The following MGAT4C variants were observed in gnomAD, a reference collection of about 807,000 sequenced individuals.
MGAT4C encodes MGAT4 family member C.
Under a neutral mutation model 40.1 loss-of-function variants are expected in MGAT4C, and 19 were observed. That is an observed-to-expected ratio of 0.47 (90% confidence interval 0.33 to 0.70). MGAT4C has a LOEUF of 0.70. MGAT4C is among the 30% of genes least tolerant of loss of function. The probability of loss-of-function intolerance (pLI) is 0.02; values close to 1 mark genes in which losing one functional copy is unlikely to be tolerated. For synonymous variants in MGAT4C, 181 were observed against 187.1 expected, an observed-to-expected ratio of 0.97 and a Z score of 0.27; for missense variants, 491 against 563.2, an observed-to-expected ratio of 0.87 and a Z score of 1.30.
intron 4 of MGAT4C, among the ~76,000 whole-genome samples, chr12:86,314,947 A>C (rs971399386): frequency 1.3e-5 from 2 of 152,162 alleles, no homozygotes; most frequent in Non-Finnish European, 1.5e-5. Flanking sequence ...ACACAACACT[A>C]TACCCATCAA....
At chr12:86,502,508 T>A (rs1415778788) in intron 2 of MGAT4C, among the ~76,000 whole-genome samples, 1 of 151,738 alleles carries the variant, frequency 6.6e-6, no homozygotes, top group African/African-American at 2.4e-5. Context: ...TGGACTTTGG[T>A]CAATAATAGC....
rs780529746 is a variant in MGAT4C at position 85,980,453 on chromosome 12, A to T, written c.296-23T>A. The T allele has an allele frequency of 1.9e-5, 29 of 1,540,510 alleles. No homozygotes were observed. The Admixed American group carries it at 6.1e-4, about 32-fold the overall frequency. On this transcript the variant is annotated intron_variant, in intron 4 of 4. Transcript: ENST00000611864. Reference sequence around the variant, plus strand: ...ACCCTGCAAAAAAGAATTCAGAAGCAATACAAATGTGAACTAGAAATATGG... The same window carrying T: ...ACCCTGCAAAAAAGAATTCAGAAGCTATACAAATGTGAACTAGAAATATGG...
chr12:86,533,192 T>C (rs1959012505), intron 2 of MGAT4C, among the ~76,000 whole-genome samples: 1 of 152,040 alleles, frequency 6.6e-6, no homozygotes, highest in Non-Finnish European at 1.5e-5. Flanking sequence ...AACTGCAAAG[T>C]AGTCAGCCAC....
At chr12:86,507,737 GCAA>G (rs1356885768) in intron 2 of MGAT4C, among the ~76,000 whole-genome samples, 1 of 152,098 alleles carries the variant, frequency 6.6e-6, no homozygotes, top group Non-Finnish European at 1.5e-5. Context: ...TATTATTGTG[GCAA>G]TAGTTTACTG....
intron 2 of MGAT4C, among the ~76,000 whole-genome samples, chr12:86,441,401 GGTTT>G (rs1477069375): frequency 6.6e-6 from 1 of 151,426 alleles, no homozygotes; most frequent in Non-Finnish European, 1.5e-5. Flanking sequence ...ACAACGTGCA[GGTTT>G]GTTACATATG....
Position 85,962,934 on chromosome 12 carries a change from C to T in MGAT4C, c.*16355G>A, listed in dbSNP as rs548300253. 3.3e-5 allele frequency: 5 copies of T among 151,612 alleles called. No homozygotes were observed. The highest frequency in any genetic ancestry group is 1.2e-4 in the African/African-American group (5 of 41,468). 9.4% of individuals were successfully genotyped at this position (151,612 alleles called of 1,614,324 possible). On this transcript the variant is annotated 3_prime_UTR_variant, in exon 5 of 5. Transcript: ENST00000611864. ...CTATTTGATAATGAAATATACTTTT[C>T]TTACCTACTTGCAAAAAAAATTACA... is the stretch of plus-strand genomic sequence containing the variant.
chr12:86,642,789 A>T (rs1312471101), intron 2 of MGAT4C, among the ~76,000 whole-genome samples: 1 of 151,442 alleles, frequency 6.6e-6, no homozygotes, highest in African/African-American at 2.4e-5. Flanking sequence ...AAAACATTTT[A>T]TATGTATATA....
chr12:86,556,001 C>T (rs887822054), intron 2 of MGAT4C, among the ~76,000 whole-genome samples: 6 of 152,178 alleles, frequency 3.9e-5, no homozygotes, highest in Non-Finnish European at 8.8e-5. Flanking sequence ...GAGATATACA[C>T]GATGCCTATG....
At chr12:86,341,981 C>A (rs375899903) in intron 3 of MGAT4C, among the ~76,000 whole-genome samples, 1 of 152,144 alleles carries the variant, frequency 6.6e-6, no homozygotes, top group South Asian at 2.1e-4. Flanking sequence ...GGACCCCCAG[C>A]GCAGCAGAGC....
At chr12:86,545,484 G>A (rs1959188306) in intron 2 of MGAT4C, among the ~76,000 whole-genome samples, 1 of 151,560 alleles carries the variant, frequency 6.6e-6, no homozygotes, top group Admixed American at 6.6e-5. Context: ...TCTAAATATA[G>A]CACATATTTG....
rs73380873 is a variant in MGAT4C at position 86,158,881 on chromosome 12, C to T, written c.-57+97358G>A. Among the ~76,000 whole-genome samples the T allele has an allele frequency of 3.3e-3, 503 of 152,196 alleles. 2 individuals are homozygous for T. The highest frequency in any genetic ancestry group is 0.012 in the African/African-American group (490 of 41,540). ...GGAAATGTTACTGAATTTTGTACCC[C>T]TATTTTGTATCCTAAAGCTTAACTA... is the stretch of plus-strand genomic sequence containing the variant. On this transcript the variant is annotated intron_variant, in intron 1 of 4. Transcript: ENST00000611864.
At chr12:86,188,071 T>C (rs892270121) in intron 1 of MGAT4C, among the ~76,000 whole-genome samples, 6 of 152,034 alleles carry the variant, frequency 3.9e-5, no homozygotes, top group Non-Finnish European at 8.8e-5. Context: ...AAATTCCTTT[T>C]AGTAGAGATT....
chr12:86,322,514 C>A (rs1176289797), intron 4 of MGAT4C, among the ~76,000 whole-genome samples: 1 of 151,788 alleles, frequency 6.6e-6, no homozygotes, highest in Non-Finnish European at 1.5e-5. Context: ...CCTTATTTTT[C>A]TAAGAGGATG....
At chr12:86,625,518 A>G (rs751273086) in intron 2 of MGAT4C, among the ~76,000 whole-genome samples, 7 of 152,192 alleles carry the variant, frequency 4.6e-5, no homozygotes, top group Non-Finnish European at 1.0e-4. Context: ...ATGAGCTGGT[A>G]GAAGAAAGAA....
At chr12:86,027,130 G>A (rs1215469282) in intron 2 of MGAT4C, among the ~76,000 whole-genome samples, 2 of 151,802 alleles carry the variant, frequency 1.3e-5, no homozygotes, top group Admixed American at 1.3e-4. Flanking sequence ...CTATCACAGT[G>A]TACCTCACTT....
chr12:86,061,468 T>A (rs1565925342), intron 1 of MGAT4C, among the ~76,000 whole-genome samples: 2 of 58,980 alleles, frequency 3.4e-5, no homozygotes, highest in African/African-American at 8.2e-5. Context: ...CAGGAGTTTT[T>A]TTTTTGTTTT....
chr12:85,958,143 C>T lies in MGAT4C; in HGVS notation c.*21146G>A, dbSNP rs910732136. On this transcript the variant is annotated 3_prime_UTR_variant, in exon 5 of 5. Transcript: ENST00000611864. ...CTGGAGTGCAGTGGCATAATCTCTG[C>T]TTACCAAAACCTCCGACTCCCAGAT... 2 of 151,884 alleles carry T rather than the reference C, an allele frequency of 1.3e-5. No individual in the cohort carries two copies. The highest frequency in any genetic ancestry group is 2.9e-5 in the Non-Finnish European group (2 of 68,114). 9.4% of individuals were successfully genotyped at this position (151,884 alleles called of 1,614,324 possible). A position where few individuals can be genotyped will look rare whatever the true frequency, so the allele number is the denominator to read the frequency against.
chr12:86,576,729 T>C (rs1312383081), intron 2 of MGAT4C, among the ~76,000 whole-genome samples: 1 of 151,996 alleles, frequency 6.6e-6, no homozygotes, highest in Non-Finnish European at 1.5e-5. Context: ...TATAGATCTG[T>C]AGTATAATTT....
chr12:86,478,999 G>T (rs977336629), intron 2 of MGAT4C, among the ~76,000 whole-genome samples: 2 of 151,992 alleles, frequency 1.3e-5, no homozygotes, highest in Non-Finnish European at 2.9e-5. Context: ...TGAAGGACAC[G>T]TGACTTTTTT....
Sources: gnomAD v4.1 joint callset for allele counts (sites outside exome capture counted in the v4.1 genomes callset) on GRCh38, gnomAD v4.1.1 for gene constraint, MANE v1.5 for transcripts, NCBI Gene and HGNC (gene_info 2026-07-23, HGNC 2026-07-21) for gene names.